The following DPYSL3 variants were observed in gnomAD, a reference collection of about 807,000 sequenced individuals.
The protein encoded by DPYSL3 is dihydropyrimidinase-related protein 3.
A neutral mutation model predicts 66.1 loss-of-function variants in DPYSL3; 16 were observed. The observed-to-expected ratio is 0.24, with a 90% CI of 0.16 to 0.37. The LOEUF is 0.37. Ranked by LOEUF, DPYSL3 falls within the 10% of genes least tolerant of loss-of-function variation. The pLI is 1.00. For synonymous variants in DPYSL3, 338 were observed against 345.1 expected (o/e 0.98, Z 0.23); for missense variants, 738 against 916.2 (o/e 0.81, Z 2.51).
intron 1 of DPYSL3, among the ~76,000 whole-genome samples, chr5:147,427,911 G>T (rs1310802310): frequency 6.6e-6 from 1 of 152,144 alleles, no homozygotes; most frequent in Non-Finnish European, 1.5e-5. Flanking sequence ...GTTTTGGAAA[G>T]GGGCCAGTTT....
chr5:147,453,854 T>G, intron 1 of DPYSL3: 1 of 884,536 alleles, frequency 1.1e-6, no homozygotes, highest in Non-Finnish European at 1.5e-6. Flanking sequence ...TTTGTTTTTT[T>G]TTTTCTTTTG....
intron 1 of DPYSL3, among the ~76,000 whole-genome samples, chr5:147,455,316 C>T (rs1752828170): frequency 6.6e-6 from 1 of 152,194 alleles, no homozygotes; most frequent in African/African-American, 2.4e-5. Flanking sequence ...ATCCAAGCTT[C>T]TGGTTATTTA....
At position 147,480,025 on chromosome 5, in the gene DPYSL3, A is replaced by C. The variant is rs78002332; in HGVS notation, c.381+29453T>G. 5.2e-3 allele frequency among the ~76,000 whole-genome samples: 787 copies of C among 152,178 alleles called. 31 individuals carry two copies. In the East Asian group the frequency reaches 0.11, roughly 20 times the overall value. ...GTCAGCTCTAAGCCCAGCCTTCACC[A>C]CTTTATACTCTTTGATTTCTACTTG... is the stretch of plus-strand genomic sequence containing the variant. On this transcript the variant is annotated intron_variant, in intron 1 of 13. Transcript: ENST00000343218.
At chr5:147,475,254 G>A (rs1462230857) in intron 1 of DPYSL3, among the ~76,000 whole-genome samples, 1 of 152,032 alleles carries the variant, frequency 6.6e-6, no homozygotes, top group Non-Finnish European at 1.5e-5. Flanking sequence ...CTACCTAACA[G>A]TATTGTACAG....
intron 1 of DPYSL3, among the ~76,000 whole-genome samples, chr5:147,486,493 T>C (rs1231469539): frequency 6.6e-6 from 1 of 152,222 alleles, no homozygotes; most frequent in African/African-American, 2.4e-5. Context: ...TATAGTCTAG[T>C]TGGATGAATG....
chr5:147,401,437 C>T (rs981973583), intron 9 of DPYSL3, 103 bp downstream of exon 9: 41 of 1,344,186 alleles, frequency 3.1e-5, no homozygotes, highest in Middle Eastern at 4.3e-4. Context: ...ACACTGCAGA[C>T]TCTGGTCAAG....
intron 1 of DPYSL3, among the ~76,000 whole-genome samples, chr5:147,441,804 T>C (rs1581196367): frequency 6.6e-6 from 1 of 152,210 alleles, no homozygotes; most frequent in South Asian, 2.1e-4. Context: ...AAGGCTGTTT[T>C]TTCCCACAAT....
At chr5:147,455,496 A>G (rs1169318166) in intron 1 of DPYSL3, among the ~76,000 whole-genome samples, 3 of 152,168 alleles carry the variant, frequency 2.0e-5, no homozygotes, top group African/African-American at 7.2e-5. Flanking sequence ...CGCCCTAAAC[A>G]TTTTGCTTTG....
chr5:147,458,468 G>A (rs1414109264), intron 1 of DPYSL3, among the ~76,000 whole-genome samples: 1 of 152,180 alleles, frequency 6.6e-6, no homozygotes, highest in African/African-American at 2.4e-5. Flanking sequence ...GCAACCAGCA[G>A]ATCCTCGGGG....
intron 1 of DPYSL3, among the ~76,000 whole-genome samples, chr5:147,467,727 C>G (rs1753031035): frequency 6.6e-6 from 1 of 152,280 alleles, no homozygotes; most frequent in East Asian, 1.9e-4. Context: ...TAGATTATAC[C>G]TTTCATGGGG....
In DPYSL3 at chr5:147,405,635, G is replaced by C; in HGVS notation, c.1128C>G (p.Asp376Glu). ...VTKVMSKSAA[D>E]LISQARKKGN... ...CTTTTTTCCTGGCTTGTGAGATGAG[G>C]TCAGCTGCACTCTTGCTCATGACCT... Residue 376 changes from aspartate to glutamate, a missense_variant, in exon 8 of 14, where the codon GAC becomes GAG. Transcript: ENST00000343218. The C allele has an allele frequency of 1.2e-6, 2 of 1,613,416 alleles. No homozygotes were observed. The highest frequency in any genetic ancestry group is 1.7e-6 in the Non-Finnish European group (2 of 1,179,684).
Position 147,415,831 on chromosome 5 carries a change from G to A in DPYSL3, c.698C>T (p.Ala233Val), listed in dbSNP as rs757195721. The change falls in exon 4 of 14, where the codon GCC becomes GTC. Residue 233 changes from alanine (A) to valine (V), a missense_variant. By Grantham distance (64) the Ala-to-Val change is moderately conservative. Transcript: ENST00000343218. ...VPEPESSLTE[A>V]YEKWREWADG... is the part of the protein sequence containing the mutation. Reference sequence around the variant, plus strand: ...AGCCCACTCTCTCCATTTCTCATAGGCCTCAGTCAGGCTGGACTCAGGCTC... The same window carrying A: ...AGCCCACTCTCTCCATTTCTCATAGACCTCAGTCAGGCTGGACTCAGGCTC... The A allele has an allele frequency of 6.2e-7, 1 of 1,613,912 alleles. No homozygotes were observed. Among genetic ancestry groups the A allele is most frequent in the Non-Finnish European group, 8.5e-7 (1 of 1,179,984 alleles).
intron 1 of DPYSL3, among the ~76,000 whole-genome samples, chr5:147,492,390 T>C (rs1011747148): frequency 6.6e-6 from 1 of 152,096 alleles, no homozygotes; most frequent in African/African-American, 2.4e-5. Context: ...AACTTTGTTT[T>C]TCCTATTCTT....
chr5:147,488,407 G>A (rs892438685), intron 1 of DPYSL3, among the ~76,000 whole-genome samples: 1 of 152,298 alleles, frequency 6.6e-6, no homozygotes, highest in East Asian at 1.9e-4. Flanking sequence ...CTGGATGTGA[G>A]TCCTATCTCT....
intron 1 of DPYSL3, among the ~76,000 whole-genome samples, chr5:147,492,987 G>A (rs1264748097): frequency 6.6e-6 from 1 of 152,002 alleles, no homozygotes; most frequent in Non-Finnish European, 1.5e-5. Context: ...TAAAAGAAAA[G>A]GAATGGAGAA....
At position 147,488,316 on chromosome 5, in the gene DPYSL3, G is replaced by A. The variant is rs576645348; in HGVS notation, c.381+21162C>T. 3.9e-5 allele frequency among the ~76,000 whole-genome samples: 6 copies of A among 152,328 alleles called. No homozygotes were observed. The South Asian group carries it at 1.0e-3, about 26-fold the overall frequency. ...GAGGGATTTGGACAGCGTGTTGACA[G>A]CATGCATTGCTGTCAAGTAATTCTG... is the stretch of plus-strand genomic sequence containing the variant. On this transcript the variant is annotated intron_variant, in intron 1 of 13. Coordinates refer to ENST00000343218, the MANE Select transcript of DPYSL3 (RefSeq NM_001197294.2).
chr5:147,483,884 C>T (rs554967840), intron 1 of DPYSL3, among the ~76,000 whole-genome samples: 11 of 152,244 alleles, frequency 7.2e-5, no homozygotes, highest in Non-Finnish European at 1.3e-4. Context: ...ATATCTCCCC[C>T]CCAAGGGATA....
intron 1 of DPYSL3, among the ~76,000 whole-genome samples, chr5:147,456,999 T>A (rs1161410935): frequency 6.6e-6 from 1 of 152,144 alleles, no homozygotes; most frequent in East Asian, 1.9e-4. Context: ...TGTAACCTCC[T>A]AACTGGGTTC....
intron 1 of DPYSL3, among the ~76,000 whole-genome samples, chr5:147,449,086 C>T (rs1033488817): frequency 4.3e-4 from 66 of 152,230 alleles, no homozygotes; most frequent in African/African-American, 1.3e-3. Context: ...ATATTTTCCT[C>T]TAATTCTTAA....
Sources: allele counts gnomAD v4.1 joint callset (sites outside exome capture counted in the v4.1 genomes callset), GRCh38; gene constraint gnomAD v4.1.1; transcripts MANE v1.5; gene names NCBI Gene and HGNC (gene_info 2026-07-23, HGNC 2026-07-21).